The following UCKL1 variants were observed in gnomAD, a reference collection of about 807,000 sequenced individuals.
The protein encoded by UCKL1 is uridine-cytidine kinase 1 like 1.
A neutral mutation model predicts 59.2 loss-of-function variants in UCKL1; 65 were observed. The observed-to-expected ratio is 1.10, with a 90% CI of 0.90 to 1.35. UCKL1 has a LOEUF of 1.35. UCKL1 is among the 40% of genes most tolerant of loss of function. UCKL1 has a pLI of 0.00. For synonymous variants in UCKL1, 410 were observed against 323.1 expected (o/e 1.27, Z -2.88); for missense variants, 703 against 784.3 (o/e 0.90, Z 1.24).
intron 5 of UCKL1, among the ~76,000 whole-genome samples, 156 bp from the exon 6 acceptor site, chr20:63,944,890 G>A (rs994300134): frequency 1.3e-4 from 20 of 151,830 alleles, no homozygotes; most frequent in African/African-American, 4.8e-4. Flanking sequence ...GGGAGGTGGG[G>A]GTGTCTGCAC....
intron 1 of UCKL1, chr20:63,954,310 A>C (rs1175996691): frequency 6.5e-6 from 1 of 152,740 alleles, no homozygotes; most frequent in Admixed American, 6.5e-5. Flanking sequence ...ACCACAAAGG[A>C]CCTGTTCCTG....
chr20:63,951,187 C>T, intron 1 of UCKL1: 2 of 1,023,124 alleles, frequency 2.0e-6, no homozygotes, highest in Non-Finnish European at 2.3e-6. Flanking sequence ...GAGGATCACC[C>T]AGCTGGGGGC....
chr20:63,940,070 G>C lies in UCKL1; in HGVS notation c.1568-15C>G, dbSNP rs769082828. On this transcript the variant is annotated splice_polypyrimidine_tract_variant and intron_variant, in intron 14 of 14. Transcript: ENST00000354216. Reference sequence around the variant, plus strand: ...GCCAAAGTTCCCTGGAAAAAGGGGGGGGGGGGTCCAGTGTGGTGGGGCCTC... The same window carrying C: ...GCCAAAGTTCCCTGGAAAAAGGGGGCGGGGGGTCCAGTGTGGTGGGGCCTC... 3.7e-6 allele frequency: 6 copies of C among 1,609,784 alleles called. No individual in the cohort carries two copies. The highest frequency in any genetic ancestry group is 5.1e-6 in the Non-Finnish European group (6 of 1,178,824).
intron 2 of UCKL1, 46 bp downstream of exon 2, chr20:63,946,407 G>C: frequency 6.6e-7 from 1 of 1,512,300 alleles, no homozygotes; most frequent in Non-Finnish European, 8.9e-7. Context: ...GAGGGGAGCC[G>C]GAGGCAGGCG....
intron 8 of UCKL1, chr20:63,942,645 C>T: frequency 1.9e-6 from 1 of 517,704 alleles, no homozygotes; most frequent in Non-Finnish European, 3.8e-6. Flanking sequence ...GGCCCCCAGC[C>T]CTGCCTGACC....
At chr20:63,949,710 G>A (rs1268678372) in intron 1 of UCKL1, among the ~76,000 whole-genome samples, 2 of 152,198 alleles carry the variant, frequency 1.3e-5, no homozygotes, top group African/African-American at 2.4e-5. Context: ...CCTAACCCCA[G>A]CATCTGCAGG....
chr20:63,943,506 G>T, intron 8 of UCKL1, 147 bp downstream of exon 8: 1 of 1,156,798 alleles, frequency 8.6e-7, no homozygotes. Context: ...GCAAGGGGAG[G>T]CAGAAGCAGG....
intron 1 of UCKL1, among the ~76,000 whole-genome samples, chr20:63,948,833 G>A (rs1220368150): frequency 1.3e-5 from 2 of 151,840 alleles, no homozygotes; most frequent in Non-Finnish European, 1.5e-5. Context: ...GTGCCACTTT[G>A]TTGCCATAAA....
intron 1 of UCKL1, chr20:63,948,595 G>GGGGCGTGTGAGAGGGA (rs1569121845): frequency 2.7e-4 from 3 of 11,006 alleles, no homozygotes; most frequent in African/African-American, 4.6e-4. Context: ...GTGAGAGGGA[G>GGGGCGTGTGAGAGGGA]GGGGCGTGTG....
chr20:63,947,106 C>T (rs2056455033), intron 1 of UCKL1, among the ~76,000 whole-genome samples: 1 of 152,068 alleles, frequency 6.6e-6, no homozygotes, highest in Admixed American at 6.6e-5. Context: ...TGCCTCCTGC[C>T]TGCAGCTGGG....
intron 1 of UCKL1, 193 bp downstream of exon 1, chr20:63,956,067 G>A: frequency 2.0e-6 from 1 of 492,042 alleles, no homozygotes; most frequent in South Asian, 3.0e-5. Context: ...TGCCGGCTTG[G>A]GCCAGGTCCG....
In UCKL1 at chr20:63,940,957, G is replaced by C. The variant is rs761475051; in HGVS notation, c.1109C>G (p.Pro370Arg). 1 of 1,523,222 alleles carries C rather than the reference G, an allele frequency of 6.6e-7. No individual in the cohort carries two copies. The highest frequency in any genetic ancestry group is 2.1e-5 in the Admixed American group (1 of 47,402). 94.4% of individuals were successfully genotyped at this position (1,523,222 alleles called of 1,614,324 possible). The change falls in exon 10 of 15, where the codon CCC (proline) becomes CGC (arginine). Residue 370 changes from proline (P) to arginine (R), a missense_variant. By Grantham distance (103) the Pro-to-Arg change is moderately radical (BLOSUM62 -2). Around this residue, in one of 4 missense-constraint regions of UCKL1, gnomAD observed 156 missense variants for 185.6 expected, o/e 0.84. Transcript: ENST00000354216. ...GGGCTACGGGCTACGAACCTGAAAG[G>C]GCAGGAAGGAGAGCGCGTGCTCGAT... ...LLIEHALSFL[P>R]FQDCVVQTPQ...
chr20:63,943,774 G>A (rs921310273), intron 7 of UCKL1, 105 bp from the exon 8 acceptor site: 40 of 1,539,476 alleles, frequency 2.6e-5, no homozygotes, highest in East Asian at 1.8e-4. Flanking sequence ...GCAGGCCCGC[G>A]GGGACACAGC....
chr20:63,944,380 C>A lies in UCKL1; in HGVS notation c.906+17G>T. On this transcript the variant is annotated intron_variant, in intron 7 of 14. Coordinates refer to ENST00000354216, the MANE Select transcript of UCKL1 (RefSeq NM_017859.4). ...GGGGCTGGGGGCTAGGCCGTGGGGA[C>A]GTGGGACCCCGCTCACCTCCTCCAG... 1 of 1,532,828 alleles carries A rather than the reference C, an allele frequency of 6.5e-7. No individual in the cohort carries two copies. The highest frequency in any genetic ancestry group is 8.8e-7 in the Non-Finnish European group (1 of 1,137,454). 95.0% of individuals were successfully genotyped at this position (1,532,828 alleles called of 1,614,324 possible). A position where few individuals can be genotyped will look rare whatever the true frequency, so the allele number is the denominator to read the frequency against.
At position 63,946,452 on chromosome 20, in the gene UCKL1, C is replaced by T. The variant is rs1396251576; in HGVS notation, c.304+1G>A. On this transcript the variant is annotated splice_donor_variant, in intron 2 of 14. Coordinates refer to ENST00000354216, the MANE Select transcript of UCKL1 (RefSeq NM_017859.4). LOFTEE classifies it high-confidence loss of function. ...AGGTCCCACCCCCCCGCTGCTCTCA[C>T]CGATGGCGAAGGCCTCTTTGGATTG... 3.9e-6 allele frequency: 6 copies of T among 1,554,338 alleles called. No individual in the cohort carries two copies. Among genetic ancestry groups the T allele is most frequent in the South Asian group, 1.2e-5 (1 of 81,552 alleles).
Position 63,940,064 on chromosome 20 carries a change from A to T in UCKL1, c.1568-9T>A. 1.3e-6 allele frequency: 2 copies of T among 1,509,306 alleles called. No homozygotes were observed. Among genetic ancestry groups the T allele is most frequent in the South Asian group, 2.3e-5 (2 of 86,778 alleles). The allele number at this position is 1,509,306 out of a possible 1,614,324, so 93.5% of individuals were successfully genotyped here. A position where few individuals can be genotyped will look rare whatever the true frequency, so the allele number is the denominator to read the frequency against. On this transcript the variant is annotated splice_polypyrimidine_tract_variant and intron_variant, in intron 14 of 14. Coordinates refer to ENST00000354216, the MANE Select transcript of UCKL1 (RefSeq NM_017859.4). Reference sequence around the variant, plus strand: ...GCGGTCGCCAAAGTTCCCTGGAAAAAGGGGGGGGGGGGTCCAGTGTGGTGG... The same window carrying T: ...GCGGTCGCCAAAGTTCCCTGGAAAATGGGGGGGGGGGGTCCAGTGTGGTGG...
intron 1 of UCKL1, among the ~76,000 whole-genome samples, chr20:63,952,963 C>G (rs1456120258): frequency 6.6e-6 from 1 of 152,268 alleles, no homozygotes; most frequent in African/African-American, 2.4e-5. Flanking sequence ...GAAATAGGCA[C>G]AGGTGGCCGG....
intron 8 of UCKL1, 141 bp downstream of exon 8, chr20:63,943,512 G>A: frequency 1.6e-6 from 2 of 1,223,808 alleles, no homozygotes; most frequent in South Asian, 2.7e-5. Flanking sequence ...GGAGGCAGAA[G>A]CAGGGCTGGG....
chr20:63,944,756 T>G, intron 5 of UCKL1, 22 bp from the exon 6 acceptor site: 1 of 1,610,574 alleles, frequency 6.2e-7, no homozygotes. Flanking sequence ...AGCGGGCCAG[T>G]GAGTGGCCAG....
Sources: gnomAD v4.1 joint callset for allele counts (sites outside exome capture counted in the v4.1 genomes callset) on GRCh38, gnomAD v4.1.1 for gene constraint, gnomAD v4.1.1 regional missense constraint, MANE v1.5 for transcripts, NCBI Gene and HGNC (gene_info 2026-07-23, HGNC 2026-07-21) for gene names.